The following DLG5 variants were observed in gnomAD, a reference collection of about 807,000 sequenced individuals.
DLG5 encodes the protein discs large MAGUK scaffold protein 5.
In DLG5, 48 loss-of-function variants were observed where a neutral mutation model predicts 189.8. The ratio of observed to expected loss-of-function variants is 0.25; its 90% CI spans 0.20 to 0.32. DLG5 has a LOEUF of 0.32. Ranked by LOEUF, DLG5 falls within the 10% of genes least tolerant of loss-of-function variation. DLG5 has a pLI of 1.00. For synonymous variants in DLG5, 1,016 were observed against 1,054.1 expected (o/e 0.96, Z 0.70); for missense variants, 2,160 against 2,544.7 (o/e 0.85, Z 3.25).
At chr10:77,911,394 TGTAA>T (rs1438095322) in intron 1 of DLG5, among the ~76,000 whole-genome samples, 21 of 152,310 alleles carry the variant, frequency 1.4e-4, no homozygotes, top group Non-Finnish European at 2.9e-4. Context: ...GAATTACAGG[TGTAA>T]GCTACCACAC....
intron 3 of DLG5, among the ~76,000 whole-genome samples, chr10:77,854,606 G>C (rs1281315606): frequency 6.6e-6 from 1 of 152,198 alleles, no homozygotes; most frequent in Non-Finnish European, 1.5e-5. Flanking sequence ...GGCCTGGAGA[G>C]CTAAGAAGGT....
chr10:77,930,382 C>T (rs1203483083), upstream of DLG5, among the ~76,000 whole-genome samples: 1 of 152,054 alleles, frequency 6.6e-6, no homozygotes, highest in Non-Finnish European at 1.5e-5. Flanking sequence ...GAGTCGCACT[C>T]TGTCACCCAG....
intron 1 of DLG5, among the ~76,000 whole-genome samples, chr10:77,898,514 G>A (rs561947304): frequency 1.3e-5 from 2 of 152,340 alleles, no homozygotes; most frequent in African/African-American, 2.4e-5. Context: ...GCTGCATGGC[G>A]CAGGCTGTGG....
chr10:77,861,696 C>T (rs953043626), intron 2 of DLG5, among the ~76,000 whole-genome samples: 1 of 152,202 alleles, frequency 6.6e-6, no homozygotes, highest in Admixed American at 6.5e-5. Flanking sequence ...GCTAGGATTG[C>T]TCCTTGAGAA....
chr10:77,797,076 C>T (rs1840963159), intron 27 of DLG5, among the ~76,000 whole-genome samples: 1 of 152,192 alleles, frequency 6.6e-6, no homozygotes, highest in South Asian at 2.1e-4. Flanking sequence ...TGAGGATAAC[C>T]CTTAAGAAAT....
At position 77,822,015 on chromosome 10, in the gene DLG5, A is replaced by G. The variant is rs1052743907; in HGVS notation, c.2469T>C (p.His823=). Reference sequence around the variant, plus strand: ...TGTTATGAGCCTGGACCTCCGGGCCATGGGCTCGAAAACTCAGCATCTTAT... The same window carrying G: ...TGTTATGAGCCTGGACCTCCGGGCCGTGGGCTCGAAAACTCAGCATCTTAT... The part of the protein sequence containing the change: ...DSDKMLSFRA[H]GPEVQAHNKR... Residue 823 remains histidine (H), a synonymous_variant, in exon 15 of 32, where the codon CAT becomes CAC. Transcript: ENST00000372391. 1 of 1,614,128 alleles carries G rather than the reference A, an allele frequency of 6.2e-7. No homozygotes were observed. Among genetic ancestry groups the G allele is most frequent in the Non-Finnish European group, 8.5e-7 (1 of 1,180,050 alleles).
chr10:77,901,475 C>T (rs138687235), intron 1 of DLG5, among the ~76,000 whole-genome samples: 3 of 152,334 alleles, frequency 2.0e-5, no homozygotes, highest in East Asian at 1.9e-4. Context: ...GGACTAACGC[C>T]GGTGTCAGGA....
chr10:77,923,706 C>T (rs868145365), intron 1 of DLG5, among the ~76,000 whole-genome samples: 6 of 152,050 alleles, frequency 3.9e-5, no homozygotes, highest in East Asian at 1.9e-4. Flanking sequence ...TGCAGTGAGC[C>T]GAGATTGTGC....
At position 77,819,994 on chromosome 10, in the gene DLG5, C is replaced by T. The variant is rs758438618; in HGVS notation, c.3427G>A (p.Gly1143Arg). The change falls in exon 16 of 32, where the codon GGA (glycine) becomes AGA (arginine). Residue 1143 changes from glycine to arginine, a missense_variant. Transcript: ENST00000372391. ...TCCTGGAGCTCCGGGGAGAGTTCTC[C>T]ACTGGCCGGGACACACTTCTGTTCC... The part of the protein sequence containing the change: ...LEEQKCVPAS[G>R]ELSPELQEWA... 1.2e-6 allele frequency: 2 copies of T among 1,613,516 alleles called. No individual in the cohort carries two copies. Among genetic ancestry groups the T allele is most frequent in the East Asian group, 2.2e-5 (1 of 44,854 alleles).
intron 1 of DLG5, among the ~76,000 whole-genome samples, chr10:77,888,317 G>A (rs1347558186): frequency 6.6e-6 from 1 of 152,142 alleles, no homozygotes; most frequent in Non-Finnish European, 1.5e-5. Context: ...AAAGACCTTG[G>A]CTGGCTCTGC....
At chr10:77,798,674 G>A (rs192869529) in intron 27 of DLG5, among the ~76,000 whole-genome samples, 382 of 152,266 alleles carry the variant, frequency 2.5e-3, no homozygotes, top group Non-Finnish European at 3.3e-3. Flanking sequence ...GTGATTCGTC[G>A]TGGGCCGCTC....
chr10:77,842,316 G>A (rs1475310202), intron 6 of DLG5, 123 bp from the exon 7 acceptor site: 8 of 1,211,018 alleles, frequency 6.6e-6, no homozygotes, highest in African/African-American at 6.1e-5. Context: ...TTCAAGTGAA[G>A]TCACTCTCTC....
At chr10:77,854,733 C>G (rs1174578886) in intron 3 of DLG5, among the ~76,000 whole-genome samples, 2 of 152,114 alleles carry the variant, frequency 1.3e-5, no homozygotes, top group African/African-American at 4.8e-5. Context: ...TGCCTGTAAT[C>G]CCAGCACTTT....
chr10:77,902,870 TA>T (rs35898859), intron 1 of DLG5, among the ~76,000 whole-genome samples: 1 of 102,044 alleles, frequency 9.8e-6, no homozygotes. Context: ...AAAAAATAAA[TA>T]AAAAAATAAA....
intron 2 of DLG5, chr10:77,867,859 A>C: frequency 2.2e-6 from 1 of 446,862 alleles, no homozygotes; most frequent in Non-Finnish European, 4.5e-6. Context: ...GATCAATTTA[A>C]GATGAGGTCT....
chr10:77,876,743 G>A (rs1296180901), intron 1 of DLG5, among the ~76,000 whole-genome samples: 1 of 4,084 alleles, frequency 2.4e-4, no homozygotes, highest in African/African-American at 2.2e-3. Context: ...AGGGAAGGAA[G>A]GAAGGAAAAA....
chr10:77,830,231 A>G lies in DLG5; in HGVS notation c.1995T>C (p.Ala665=). The G allele has an allele frequency of 6.2e-7, 1 of 1,614,146 alleles. No individual in the cohort carries two copies. Among genetic ancestry groups the G allele is most frequent in the South Asian group, 1.1e-5 (1 of 91,074 alleles). ...TCAACTCTTACCTTAAGCGGCCATC[A>G]GCAATGCTTCCTTTGTCCACTTTAG... is the stretch of plus-strand genomic sequence containing the variant. ...FVTKVDKGSI[A]DGRLRVNDWL... Residue 665 remains alanine, a synonymous_variant, in exon 11 of 32, where the codon GCT becomes GCC. Coordinates refer to ENST00000372391, the MANE Select transcript of DLG5 (RefSeq NM_004747.4).
Position 77,816,612 on chromosome 10 carries a change from C to T in DLG5, c.3964G>A (p.Ala1322Thr), listed in dbSNP as rs759035110. The T allele has an allele frequency of 5.0e-6, 8 of 1,614,182 alleles. No homozygotes were observed. In the East Asian group the frequency reaches 1.3e-4, roughly 27 times the overall value. The change falls in exon 20 of 32, where the codon GCC (alanine) becomes ACC (threonine). Residue 1322 changes from alanine (A) to threonine (T), a missense_variant. Coordinates refer to ENST00000372391, the MANE Select transcript of DLG5 (RefSeq NM_004747.4). ...LSSCSQSQTS[A>T]STLPRIAVNP... ...ACAGCGATTCTGGGCAATGTGGAGG[C>T]TGAGGTCTGGGACTGGCTACAAGAG...
At chr10:77,812,623 A>G (rs2241830) in intron 20 of DLG5, among the ~76,000 whole-genome samples, 6,783 of 152,260 alleles carry the variant, frequency 0.045, 235 homozygotes, top group East Asian at 0.18. Context: ...GGCCAAAGAC[A>G]CAGAGAACGG....
Sources: allele counts gnomAD v4.1 joint callset (sites outside exome capture counted in the v4.1 genomes callset), GRCh38; gene constraint gnomAD v4.1.1; transcripts MANE v1.5; gene names NCBI Gene and HGNC (gene_info 2026-07-23, HGNC 2026-07-21).